The following ATXN2 variants were observed in gnomAD, a reference collection of about 807,000 sequenced individuals.
ATXN2 encodes the protein ataxin 2, also known as ataxin-2.
A neutral mutation model predicts 138.6 loss-of-function variants in ATXN2; 37 were observed. The observed-to-expected ratio is 0.27, with a 90% CI of 0.21 to 0.35. The LOEUF (loss-of-function observed/expected upper bound fraction) is 0.35. ATXN2 is among the 10% of genes least tolerant of loss of function. ATXN2 has a pLI of 1.00. For synonymous variants in ATXN2, 549 were observed against 543.7 expected (o/e 1.01, Z -0.13); for missense variants, 1,216 against 1,480.3 (o/e 0.82, Z 2.93).
chr12:111,477,508 A>G (rs1159282408), intron 18 of ATXN2, among the ~76,000 whole-genome samples: 1 of 152,162 alleles, frequency 6.6e-6, no homozygotes, highest in East Asian at 1.9e-4. Flanking sequence ...TAACCATAAA[A>G]ACATTCATAA....
chr12:111,509,351 C>G (rs1456840767), intron 14 of ATXN2, among the ~76,000 whole-genome samples, 198 bp downstream of exon 14: 3 of 152,174 alleles, frequency 2.0e-5, no homozygotes, highest in Non-Finnish European at 4.4e-5. Flanking sequence ...TTGATACCTA[C>G]ATATTGTTGT....
chr12:111,464,125 C>G (rs1481482407), intron 21 of ATXN2, among the ~76,000 whole-genome samples: 2 of 152,062 alleles, frequency 1.3e-5, no homozygotes, highest in Non-Finnish European at 2.9e-5. Context: ...ATGCACAGGA[C>G]TGAAAAGTTT....
chr12:111,588,569 C>T (rs1884461006), intron 1 of ATXN2, among the ~76,000 whole-genome samples: 1 of 151,544 alleles, frequency 6.6e-6, no homozygotes, highest in Non-Finnish European at 1.5e-5. Context: ...TTGCAATGAG[C>T]CGAGATCGCA....
chr12:111,514,806 A>T (rs915291017), intron 10 of ATXN2, among the ~76,000 whole-genome samples: 2 of 152,198 alleles, frequency 1.3e-5, no homozygotes, highest in African/African-American at 4.8e-5. Flanking sequence ...GAATTTAAAC[A>T]CGAACATGAT....
chr12:111,527,440 G>A (rs1456295441), intron 5 of ATXN2, among the ~76,000 whole-genome samples: 1 of 152,178 alleles, frequency 6.6e-6, no homozygotes, highest in Non-Finnish European at 1.5e-5. Context: ...TCCCTAATGG[G>A]CAAAGTGATG....
At chr12:111,551,881 T>C (rs1300353050) in intron 5 of ATXN2, among the ~76,000 whole-genome samples, 2 of 151,858 alleles carry the variant, frequency 1.3e-5, no homozygotes, top group African/African-American at 2.4e-5. Context: ...TATTTCTTTT[T>C]TCTTTCTTTT....
At chr12:111,534,042 T>A (rs1022588588) in intron 5 of ATXN2, among the ~76,000 whole-genome samples, 2 of 151,906 alleles carry the variant, frequency 1.3e-5, no homozygotes, top group Non-Finnish European at 2.9e-5. Flanking sequence ...TTTAGGAGTA[T>A]AAAATTGGGT....
intron 1 of ATXN2, among the ~76,000 whole-genome samples, chr12:111,564,364 T>C (rs1386757474): frequency 6.6e-6 from 1 of 152,072 alleles, no homozygotes; most frequent in East Asian, 1.9e-4. Flanking sequence ...AAGCTATCAA[T>C]CTTTAAATCA....
intron 1 of ATXN2, chr12:111,581,744 A>G: frequency 1.6e-6 from 1 of 629,520 alleles, no homozygotes; most frequent in South Asian, 1.6e-5. Context: ...TCTGCTCAGC[A>G]TCATCCCAGT....
At chr12:111,530,512 T>A (rs564093101) in intron 5 of ATXN2, among the ~76,000 whole-genome samples, 62 of 151,870 alleles carry the variant, frequency 4.1e-4, no homozygotes, top group African/African-American at 1.5e-3. Flanking sequence ...TAGACTGGAG[T>A]GGCATTAAAA....
chr12:111,540,656 T>C (rs1023113426), intron 5 of ATXN2, among the ~76,000 whole-genome samples: 1 of 150,014 alleles, frequency 6.7e-6, no homozygotes, highest in African/African-American at 2.4e-5. Context: ...GTTTGTGGCA[T>C]GTCTTTTTAA....
intron 1 of ATXN2, among the ~76,000 whole-genome samples, chr12:111,592,686 G>C (rs1434013454): frequency 2.0e-5 from 3 of 146,518 alleles, no homozygotes; most frequent in African/African-American, 7.6e-5. Flanking sequence ...AGGAGGCTGA[G>C]GCAGGAGAAT....
At position 111,598,757 on chromosome 12, in the gene ATXN2, G is replaced by C; in HGVS notation, c.251+27C>G. ...GGGGAGGGGACGCCGGGCCCGGAGCGGAGGGGGCTGGGGTGCCGACACCCA... is the reference window on the plus strand; with the variant it reads ...GGGGAGGGGACGCCGGGCCCGGAGCCGAGGGGGCTGGGGTGCCGACACCCA... On this transcript the variant is annotated intron_variant, in intron 1 of 24. Coordinates refer to ENST00000673436, the MANE Select transcript of ATXN2 (RefSeq NM_001372574.1). This position sits in a 1 kb window ranked among gnomAD's most constrained non-coding sequence, Gnocchi z 4.5. 4 of 1,196,500 alleles carry C rather than the reference G, an allele frequency of 3.3e-6. No homozygotes were observed. Among genetic ancestry groups the C allele is most frequent in the Non-Finnish European group, 3.1e-6 (3 of 965,580 alleles). 74.1% of individuals were successfully genotyped at this position (1,196,500 alleles called of 1,614,324 possible).
In ATXN2 at chr12:111,456,187, C is replaced by T. The variant is rs369512638; in HGVS notation, c.3112G>A (p.Ala1038Thr). 22 of 1,614,116 alleles carry T rather than the reference C, an allele frequency of 1.4e-5. No homozygotes were observed. Among genetic ancestry groups the T allele is most frequent in the East Asian group, 2.2e-5 (1 of 44,902 alleles). ...SPQQQSAIYH[A>T]GLAPTPPSMT... ...GAGGGTGGAGTTGGCGCAAGCCCCG[C>T]GTGGTAAATGGCTGACTGCTGCTGT... The change falls in exon 23 of 25, where the codon GCG becomes ACG. Residue 1038 changes from alanine to threonine, a missense_variant. Ala to Thr is a moderately conservative substitution (Grantham distance 58, BLOSUM62 0). Transcript: ENST00000673436.
At chr12:111,468,757 G>C (rs1432553781) in intron 20 of ATXN2, 6 of 138,176 alleles carry the variant, frequency 4.3e-5, no homozygotes, top group African/African-American at 1.7e-4. Flanking sequence ...CTAGAGTGTA[G>C]TGGCGCGATC....
chr12:111,489,135 T>C (rs191379964), intron 14 of ATXN2, among the ~76,000 whole-genome samples: 55 of 152,184 alleles, frequency 3.6e-4, no homozygotes, highest in African/African-American at 1.3e-3. Context: ...AATGAGTAAA[T>C]GCTAAGAGAG....
At chr12:111,492,650 C>G (rs1196925271) in intron 14 of ATXN2, among the ~76,000 whole-genome samples, 7 of 151,810 alleles carry the variant, frequency 4.6e-5, no homozygotes. Flanking sequence ...CCACTGCACT[C>G]CAGCCTGGGC....
chr12:111,584,377 CAAAAAAAAA>C lies in ATXN2; in HGVS notation c.251+14398_251+14406del, dbSNP rs58678794. On this transcript the variant is annotated intron_variant, in intron 1 of 24. Coordinates refer to ENST00000673436, the MANE Select transcript of ATXN2 (RefSeq NM_001372574.1). Reference sequence around the variant, plus strand: ...AGCCTTGGTGACAGAGACCCTGTCTCAAAAAAAAAAAAAAAAAAAAAAAAAAAAAAAAAA... The same window carrying C: ...AGCCTTGGTGACAGAGACCCTGTCTCAAAAAAAAAAAAAAAAAAAAAAAAA... Among the ~76,000 whole-genome samples, 134 of 44,738 alleles carry C rather than the reference CAAAAAAAAA, an allele frequency of 3.0e-3. 1 individual carries two copies. Among genetic ancestry groups the C allele is most frequent in the Non-Finnish European group, 4.6e-3 (111 of 24,054 alleles). 29.3% of individuals were successfully genotyped at this position (44,738 alleles called of 152,430 possible). A position where few individuals can be genotyped will look rare whatever the true frequency, so the allele number is the denominator to read the frequency against.
intron 14 of ATXN2, among the ~76,000 whole-genome samples, chr12:111,495,068 G>A (rs1878325032): frequency 6.6e-6 from 1 of 152,120 alleles, no homozygotes; most frequent in Admixed American, 6.5e-5. Context: ...GACTTTGGGA[G>A]GCCAAGGCAG....
Sources: allele counts gnomAD v4.1 joint callset (sites outside exome capture counted in the v4.1 genomes callset), GRCh38; gene constraint gnomAD v4.1.1; non-coding constraint Gnocchi (gnomAD v3.1); transcripts MANE v1.5; gene names NCBI Gene and HGNC (gene_info 2026-07-23, HGNC 2026-07-21).